The following SLC14A2 variants were observed in gnomAD, a reference collection of about 807,000 sequenced individuals.
SLC14A2 encodes solute carrier family 14 member 2, also known as urea transporter 2.
Under a neutral mutation model 104.6 loss-of-function variants are expected in SLC14A2, and 91 were observed. The ratio of observed to expected loss-of-function variants is 0.87; its 90% CI spans 0.73 to 1.04. SLC14A2 has a LOEUF of 1.04. Ranked by LOEUF, SLC14A2 falls within the 50% of genes least tolerant of loss-of-function variation. The probability of loss-of-function intolerance (pLI) is 0.00; values close to 1 mark genes in which losing one functional copy is unlikely to be tolerated. For missense variants in SLC14A2, 1,189 were observed against 1,156.0 expected, an observed-to-expected ratio of 1.03 and a Z score of -0.41; for synonymous variants, 476 against 466.4, an observed-to-expected ratio of 1.02 and a Z score of -0.27.
At position 45,303,766 on chromosome 18, in the gene SLC14A2, T is replaced by C. The variant is rs73427994; in HGVS notation, c.-125+90575T>C. Among the ~76,000 whole-genome samples, 226 of 152,378 alleles carry C rather than the reference T, an allele frequency of 1.5e-3. 1 individual carries two copies. The highest frequency in any genetic ancestry group is 5.1e-3 in the African/African-American group (211 of 41,592). On this transcript the variant is annotated intron_variant, in intron 1 of 20. Coordinates refer to the SLC14A2 transcript ENST00000586448. The stretch of plus-strand genomic sequence containing the variant: ...GCTACTTTTGTAAATGTGTCTGTTA[T>C]CAATATGTTATTATTTTTTTCCTTC...
At chr18:45,249,568 T>A (rs2084401585) in intron 1 of SLC14A2, among the ~76,000 whole-genome samples, 1 of 152,182 alleles carries the variant, frequency 6.6e-6, no homozygotes, top group African/African-American at 2.4e-5. Context: ...CCTCTCTGAT[T>A]TTATCTCCTC....
At chr18:45,496,037 T>G (rs1030544616) in intron 2 of SLC14A2, among the ~76,000 whole-genome samples, 6 of 152,208 alleles carry the variant, frequency 3.9e-5, no homozygotes, top group African/African-American at 1.4e-4. Context: ...TTCATGCCTA[T>G]TAATGTGATA....
At chr18:45,605,938 C>T (rs1486988429) in intron 2 of SLC14A2, among the ~76,000 whole-genome samples, 1 of 152,192 alleles carries the variant, frequency 6.6e-6, no homozygotes, top group Non-Finnish European at 1.5e-5. Context: ...GAGACCACTA[C>T]ATGAAAATCT....
chr18:45,173,309 CAAT>C, the SLC14A2 span, among the ~76,000 whole-genome samples: 2 of 152,004 alleles, frequency 1.3e-5, no homozygotes, highest in African/African-American at 2.4e-5. Context: ...GAAGCAATGA[CAAT>C]AACAACATGA....
intron 1 of SLC14A2, among the ~76,000 whole-genome samples, chr18:45,451,949 G>T (rs1434194856): frequency 6.6e-6 from 1 of 152,092 alleles, no homozygotes; most frequent in African/African-American, 2.4e-5. Flanking sequence ...TGGTTAATCA[G>T]AACCTTAGTT....
intron 1 of SLC14A2, among the ~76,000 whole-genome samples, chr18:45,329,265 C>G (rs909909601): frequency 6.6e-6 from 1 of 152,092 alleles, no homozygotes; most frequent in Non-Finnish European, 1.5e-5. Flanking sequence ...AATGGCCATA[C>G]AATTATATAT....
intron 1 of SLC14A2, among the ~76,000 whole-genome samples, chr18:45,373,270 T>G (rs932841930): frequency 1.3e-5 from 2 of 152,188 alleles, no homozygotes; most frequent in African/African-American, 4.8e-5. Context: ...TCCTCCACTA[T>G]CTTCACACAT....
At chr18:45,291,009 A>G (rs1239830938) in intron 1 of SLC14A2, among the ~76,000 whole-genome samples, 2 of 152,212 alleles carry the variant, frequency 1.3e-5, no homozygotes, top group Admixed American at 1.3e-4. Context: ...TCCCAGCGTC[A>G]TCAATAAATG....
chr18:45,406,524 T>C (rs776967047), intron 1 of SLC14A2, among the ~76,000 whole-genome samples: 4 of 152,226 alleles, frequency 2.6e-5, no homozygotes, highest in Non-Finnish European at 5.9e-5. Flanking sequence ...TAAATGTTCT[T>C]AATGGCATCT....
chr18:45,493,469 TATA>T (rs778014217), intron 2 of SLC14A2, among the ~76,000 whole-genome samples: 130 of 152,368 alleles, frequency 8.5e-4, no homozygotes, highest in Non-Finnish European at 1.5e-3. Flanking sequence ...TAGCAACACC[TATA>T]ATAACAACAG....
intron 2 of SLC14A2, among the ~76,000 whole-genome samples, chr18:45,483,652 TG>T (rs1436289242): frequency 6.6e-6 from 1 of 152,154 alleles, no homozygotes; most frequent in African/African-American, 2.4e-5. Flanking sequence ...GGAGAGGGAA[TG>T]GGTGAGAGAA....
At chr18:45,324,388 T>G (rs560820981) in intron 1 of SLC14A2, among the ~76,000 whole-genome samples, 4 of 152,298 alleles carry the variant, frequency 2.6e-5, no homozygotes, top group Non-Finnish European at 5.9e-5. Flanking sequence ...TTAAGCAAGA[T>G]TCACATCTCT....
chr18:45,637,291 AC>A, intron 6 of SLC14A2, 109 bp downstream of exon 6: 2 of 832,004 alleles, frequency 2.4e-6, no homozygotes, highest in Non-Finnish European at 1.9e-6. Context: ...AAACATCTAT[AC>A]CAGATGATGG....
At chr18:45,494,633 C>T (rs1390265904) in intron 2 of SLC14A2, among the ~76,000 whole-genome samples, 1 of 151,926 alleles carries the variant, frequency 6.6e-6, no homozygotes, top group Non-Finnish European at 1.5e-5. Context: ...AACTCCTGAC[C>T]TCAGGTTGAT....
At chr18:45,674,609 TA>T (rs60197753) in intron 18 of SLC14A2, among the ~76,000 whole-genome samples, 217 of 143,664 alleles carry the variant, frequency 1.5e-3, no homozygotes, top group Middle Eastern at 7.0e-3. Context: ...TGTAGTTACT[TA>T]AAAAAAAAAA....
upstream of SLC14A2, among the ~76,000 whole-genome samples, chr18:45,612,498 A>T (rs1476462460): frequency 6.6e-6 from 1 of 152,238 alleles, no homozygotes; most frequent in African/African-American, 2.4e-5. Flanking sequence ...GAACAATTAA[A>T]ATCGCTAATG....
intron 1 of SLC14A2, among the ~76,000 whole-genome samples, chr18:45,395,337 T>C (rs958142443): frequency 2.0e-5 from 3 of 152,316 alleles, no homozygotes; most frequent in Middle Eastern, 3.4e-3. Flanking sequence ...ATTCAAACTC[T>C]GAGAAGCAGA....
At chr18:45,250,109 T>C (rs2084406253) in intron 1 of SLC14A2, among the ~76,000 whole-genome samples, 3 of 152,184 alleles carry the variant, frequency 2.0e-5, no homozygotes, top group African/African-American at 7.2e-5. Flanking sequence ...AACTCACACA[T>C]GTGATATGAT....
At chr18:45,317,089 T>C (rs2085136750) in intron 1 of SLC14A2, among the ~76,000 whole-genome samples, 1 of 152,242 alleles carries the variant, frequency 6.6e-6, no homozygotes, top group South Asian at 2.1e-4. Context: ...CACAGCTTTC[T>C]AATACCTCCT....
Sources: allele counts gnomAD v4.1 joint callset (sites outside exome capture counted in the v4.1 genomes callset), GRCh38; gene constraint gnomAD v4.1.1; transcripts MANE v1.5; gene names NCBI Gene and HGNC (gene_info 2026-07-23, HGNC 2026-07-21).